RIDA: variants seen among roughly 807,000 people sequenced by gnomAD.
RIDA encodes reactive intermediate imine deaminase A, also known as 2-iminobutanoate/2-iminopropanoate deaminase.
Under a neutral mutation model 17.8 loss-of-function variants are expected in RIDA, and 17 were observed. The observed-to-expected ratio is 0.96, with a 90% CI of 0.65 to 1.43. The LOEUF (loss-of-function observed/expected upper bound fraction) is 1.43. Ranked by LOEUF, RIDA falls within the 40% of genes most tolerant of loss-of-function variation. RIDA has a pLI of 0.00. For synonymous variants in RIDA, 48 were observed against 55.7 expected (o/e 0.86, Z 0.62); for missense variants, 158 against 161.7 (o/e 0.98, Z 0.12).
At chr8:98,111,379 G>T (rs548189408) in intron 1 of RIDA, among the ~76,000 whole-genome samples, 1 of 152,000 alleles carries the variant, frequency 6.6e-6, no homozygotes, top group Non-Finnish European at 1.5e-5. Context: ...AGGCTGAGGC[G>T]GGCAGACCAC....
At chr8:98,105,612 A>C (rs191178402) in intron 4 of RIDA, among the ~76,000 whole-genome samples, 3 of 152,364 alleles carry the variant, frequency 2.0e-5, no homozygotes, top group Admixed American at 2.0e-4. Flanking sequence ...TGGCTGCACC[A>C]TACAGCCACA....
At chr8:98,104,919 C>T (rs925271224) in intron 4 of RIDA, among the ~76,000 whole-genome samples, 1 of 151,906 alleles carries the variant, frequency 6.6e-6, no homozygotes, top group African/African-American at 2.4e-5. Context: ...CCATGTTGGC[C>T]AGACTGGTCT....
At chr8:98,109,927 G>A (rs1815700709) in intron 1 of RIDA, among the ~76,000 whole-genome samples, 2 of 151,920 alleles carry the variant, frequency 1.3e-5, no homozygotes, top group African/African-American at 4.8e-5. Context: ...TTCTTTCCTA[G>A]GCAACTATCC....
intron 1 of RIDA, among the ~76,000 whole-genome samples, chr8:98,113,089 G>C (rs1815750762): frequency 6.6e-6 from 1 of 152,310 alleles, no homozygotes; most frequent in Admixed American, 6.5e-5. Context: ...ACTTTCAAAA[G>C]CATTCTAATA....
chr8:98,113,906 C>T (rs1177625758), intron 1 of RIDA: 1 of 152,196 alleles, frequency 6.6e-6, no homozygotes, highest in East Asian at 1.9e-4. Context: ...CCTAACTATT[C>T]TCACTTTCTT....
chr8:98,112,214 A>ACACACT (rs1373107280), intron 1 of RIDA, among the ~76,000 whole-genome samples: 1 of 151,892 alleles, frequency 6.6e-6, no homozygotes, highest in Non-Finnish European at 1.5e-5. Context: ...ACACACACAC[A>ACACACT]CACACACACT....
chr8:98,110,693 T>TC (rs1451960136), intron 1 of RIDA, among the ~76,000 whole-genome samples: 1 of 152,186 alleles, frequency 6.6e-6, no homozygotes, highest in African/African-American at 2.4e-5. Context: ...TATTGGAGGA[T>TC]CAATTAAGGA....
Position 98,108,766 on chromosome 8 carries a change from A to C in RIDA, c.66-15T>G. Reference sequence around the variant, plus strand: ...ATACAGCTTGACTGCAATAAACAGAAAGCTAGTGTATTTATGTAAGTATAA... The same window carrying C: ...ATACAGCTTGACTGCAATAAACAGACAGCTAGTGTATTTATGTAAGTATAA... On this transcript the variant is annotated splice_polypyrimidine_tract_variant and intron_variant, in intron 1 of 5. Transcript: ENST00000254878. The C allele has an allele frequency of 6.7e-7, 1 of 1,495,592 alleles. No homozygotes were observed. The highest frequency in any genetic ancestry group is 1.4e-5 in the African/African-American group (1 of 72,720). The allele number at this position is 1,495,592 out of a possible 1,614,324, so 92.6% of individuals were successfully genotyped here. A position where few individuals can be genotyped will look rare whatever the true frequency, so the allele number is the denominator to read the frequency against.
intron 1 of RIDA, among the ~76,000 whole-genome samples, chr8:98,110,347 C>T (rs554496448): frequency 7.0e-6 from 1 of 142,700 alleles, no homozygotes; most frequent in African/African-American, 2.6e-5. Flanking sequence ...ACTGCAACCT[C>T]CGCCTCCCGG....
At chr8:98,111,259 CCTAT>C (rs553609465) in intron 1 of RIDA, among the ~76,000 whole-genome samples, 7 of 151,980 alleles carry the variant, frequency 4.6e-5, no homozygotes, top group East Asian at 1.9e-4. Flanking sequence ...ATGAAGAAAG[CCTAT>C]CTGTTTTTTT....
chr8:98,110,898 C>G (rs558706896), intron 1 of RIDA, among the ~76,000 whole-genome samples: 1 of 152,270 alleles, frequency 6.6e-6, no homozygotes, highest in East Asian at 1.9e-4. Flanking sequence ...TTATAAGTGT[C>G]TGACAGTTCC....
At chr8:98,111,330 G>A (rs1271453678) in intron 1 of RIDA, among the ~76,000 whole-genome samples, 2 of 152,166 alleles carry the variant, frequency 1.3e-5, no homozygotes, top group Admixed American at 6.6e-5. Flanking sequence ...AAATGTGGCA[G>A]GGCATGGTGG....
At position 98,102,845 on chromosome 8, in the gene RIDA, T is replaced by C. The variant is rs370041963; in HGVS notation, c.411A>G (p.Leu137=). 1.2e-5 allele frequency: 20 copies of C among 1,608,808 alleles called. No individual in the cohort carries two copies. The highest frequency in any genetic ancestry group is 1.7e-5 in the Admixed American group (1 of 59,852). Residue 137 remains leucine, a synonymous_variant, in exon 6 of 6, where the codon CTA becomes CTG. Transcript: ENST00000254878. The stretch of plus-strand genomic sequence containing the variant: ...GACTACACAGCACTGGGCCCACTTA[T>C]AGTGATGCCGTTGTCAGTGGTCCTT... ...AIQGPLTTAS[L] is the part of the protein sequence containing the mutation.
intron 1 of RIDA, among the ~76,000 whole-genome samples, chr8:98,114,524 C>T (rs944839004): frequency 3.4e-5 from 5 of 149,032 alleles, no homozygotes; most frequent in South Asian, 2.1e-4. Flanking sequence ...TTAGTAGAGA[C>T]GGGGTTTCAC....
At chr8:98,110,148 T>C (rs1427234868) in intron 1 of RIDA, among the ~76,000 whole-genome samples, 2 of 152,174 alleles carry the variant, frequency 1.3e-5, no homozygotes, top group African/African-American at 2.4e-5. Context: ...TGATCATAAA[T>C]GGGTACAAGG....
chr8:98,106,429 T>C (rs894051125), intron 2 of RIDA, 103 bp from the exon 3 acceptor site: 3 of 937,946 alleles, frequency 3.2e-6, no homozygotes, highest in African/African-American at 1.7e-5. Context: ...AAATAGCCTA[T>C]GTTGCAGAAA....
intron 1 of RIDA, among the ~76,000 whole-genome samples, chr8:98,111,073 C>T (rs1020668690): frequency 1.3e-5 from 2 of 152,042 alleles, no homozygotes; most frequent in Non-Finnish European, 2.9e-5. Flanking sequence ...AGTGTGGAAA[C>T]GAACTAATAC....
intron 2 of RIDA, among the ~76,000 whole-genome samples, chr8:98,106,959 C>T (rs1815641930): frequency 6.6e-6 from 1 of 152,178 alleles, no homozygotes; most frequent in Non-Finnish European, 1.5e-5. Flanking sequence ...AGATATCTCT[C>T]ACCCCTCTCT....
chr8:98,104,088 T>C (rs1044386432), intron 5 of RIDA, among the ~76,000 whole-genome samples: 18 of 150,406 alleles, frequency 1.2e-4, no homozygotes, highest in African/African-American at 4.4e-4. Context: ...TTTTCTTTTT[T>C]TTTTTTTTTT....
Sources: gnomAD v4.1 joint callset for allele counts (sites outside exome capture counted in the v4.1 genomes callset) on GRCh38, gnomAD v4.1.1 for gene constraint, MANE v1.5 for transcripts, NCBI Gene and HGNC (gene_info 2026-07-23, HGNC 2026-07-21) for gene names.